OGFOD3: variants seen among roughly 807,000 people sequenced by gnomAD.
OGFOD3 encodes 2-oxoglutarate and iron-dependent oxygenase domain-containing protein 3.
A neutral mutation model predicts 39.8 loss-of-function variants in OGFOD3; 35 were observed. The observed-to-expected ratio is 0.88, with a 90% CI of 0.67 to 1.17. The LOEUF (loss-of-function observed/expected upper bound fraction) is 1.17, where lower values mean the gene tolerates loss of function less well. Ranked by LOEUF, OGFOD3 falls within the 50% of genes most tolerant of loss-of-function variation. The pLI, the probability that OGFOD3 is intolerant of heterozygous loss-of-function variation, is 0.00. For synonymous variants in OGFOD3, 200 were observed against 192.0 expected, an observed-to-expected ratio of 1.04 and a Z score of -0.34; for missense variants, 438 against 454.5, an observed-to-expected ratio of 0.96 and a Z score of 0.33.
chr17:82,416,787 C>A (rs1469842950), intron 1 of OGFOD3, among the ~76,000 whole-genome samples: 1 of 152,122 alleles, frequency 6.6e-6, no homozygotes, highest in Non-Finnish European at 1.5e-5. Flanking sequence ...TCTCCTGCCC[C>A]AGCCTCCTAA....
At chr17:82,397,072 C>T (rs2052684204) in intron 8 of OGFOD3, among the ~76,000 whole-genome samples, 1 of 152,162 alleles carries the variant, frequency 6.6e-6, no homozygotes, top group Admixed American at 6.5e-5. Flanking sequence ...CTCAGGCCAC[C>T]TGCCACAGGT....
At chr17:82,394,495 C>T (rs768335274) in intron 8 of OGFOD3, 1 of 1,613,810 alleles carries the variant, frequency 6.2e-7, no homozygotes, top group Non-Finnish European at 8.5e-7. Context: ...GGCTCTCGGT[C>T]CATTAACTTC....
At chr17:82,407,331 C>T (rs1291739600) in intron 4 of OGFOD3, among the ~76,000 whole-genome samples, 6 of 152,100 alleles carry the variant, frequency 3.9e-5, no homozygotes, top group African/African-American at 1.2e-4. Flanking sequence ...AATGGTGGCA[C>T]GTGTGGGCTA....
chr17:82,397,527 G>A (rs1243824781), intron 8 of OGFOD3, among the ~76,000 whole-genome samples: 2 of 152,090 alleles, frequency 1.3e-5, no homozygotes, highest in African/African-American at 4.8e-5. Context: ...TCAGGGCCGT[G>A]GGCTCCACCT....
In OGFOD3 at chr17:82,398,366, C is replaced by T. The variant is rs117843755; in HGVS notation, c.700-47G>A. The T allele has an allele frequency of 1.6e-3, 2,574 of 1,609,514 alleles. 43 individuals carry two copies. The East Asian group carries it at 0.043, about 27-fold the overall frequency. On this transcript the variant is annotated intron_variant, in intron 7 of 8. Transcript: ENST00000313056. ...GGGGGCAGAATGGGCTCTCAGCATG[C>T]GACCAGGGCAGGTGCTGCTTCTCTC...
chr17:82,409,092 C>G (rs561031947), intron 4 of OGFOD3, among the ~76,000 whole-genome samples: 92 of 152,358 alleles, frequency 6.0e-4, no homozygotes, highest in African/African-American at 2.1e-3. Flanking sequence ...CCGACCCCCT[C>G]TATCCCCCAG....
chr17:82,395,764 T>G (rs538555108), intron 8 of OGFOD3, among the ~76,000 whole-genome samples: 2 of 152,056 alleles, frequency 1.3e-5, no homozygotes, highest in African/African-American at 4.8e-5. Context: ...GAGCTTGCAG[T>G]GAGCCGAGAT....
At chr17:82,400,470 A>C (rs548357094) in intron 7 of OGFOD3, among the ~76,000 whole-genome samples, 2 of 152,350 alleles carry the variant, frequency 1.3e-5, no homozygotes, top group African/African-American at 4.8e-5. Context: ...ATGTTATGCA[A>C]TGGGAAGAAG....
intron 3 of OGFOD3, among the ~76,000 whole-genome samples, 171 bp from the exon 4 acceptor site, chr17:82,409,581 G>A (rs185665735): frequency 1.3e-4 from 20 of 152,338 alleles, no homozygotes; most frequent in African/African-American, 4.1e-4. Context: ...AGTTCAGTGC[G>A]TAAGCGACAA....
At chr17:82,394,662 C>G (rs915430545) in intron 8 of OGFOD3, 2 of 713,772 alleles carry the variant, frequency 2.8e-6, no homozygotes, top group Non-Finnish European at 4.5e-6. Context: ...GGGGGGACCT[C>G]TGAGCCCTCA....
rs2052613190 is a variant in OGFOD3 at position 82,392,652 on chromosome 17, G to C, written c.824-118C>G. On this transcript the variant is annotated intron_variant, in intron 8 of 8. Coordinates refer to ENST00000313056, the MANE Select transcript of OGFOD3 (RefSeq NM_024648.3). The surrounding 1 kb of genome is among the most constrained non-coding windows in gnomAD (Gnocchi z 4.2). The stretch of plus-strand genomic sequence containing the variant: ...ACCAATCAACACAACCAACCAGGCA[G>C]GCTGGAGAAATTGCCCCTCTGGGAA... 5 of 1,251,906 alleles carry C rather than the reference G, an allele frequency of 4.0e-6. No homozygotes were observed. The highest frequency in any genetic ancestry group is 5.4e-6 in the Non-Finnish European group (5 of 917,532). 77.5% of individuals were successfully genotyped at this position (1,251,906 alleles called of 1,614,324 possible).
chr17:82,415,662 C>T lies in OGFOD3; in HGVS notation c.75-35G>A, dbSNP rs547148096. ...GAAAACAGGCCACGTCACCCAAACA[C>T]GGAGTGAGGCCAGAGAAAACGCTCC... On this transcript the variant is annotated intron_variant, in intron 1 of 8. Coordinates refer to ENST00000313056, the MANE Select transcript of OGFOD3 (RefSeq NM_024648.3). The surrounding 1 kb of genome is among the most constrained non-coding windows in gnomAD (Gnocchi z 5.3). The T allele has an allele frequency of 4.4e-5, 68 of 1,556,540 alleles. No individual in the cohort carries two copies. The highest frequency in any genetic ancestry group is 2.9e-4 in the South Asian group (25 of 87,286).
intron 7 of OGFOD3, among the ~76,000 whole-genome samples, chr17:82,398,973 C>T (rs539238534): frequency 9.6e-6 from 1 of 104,602 alleles, no homozygotes; most frequent in South Asian, 3.7e-4. Context: ...CTGTGCCTGG[C>T]TGATTTTTGT....
chr17:82,395,525 T>C (rs1012451694), intron 8 of OGFOD3, among the ~76,000 whole-genome samples: 5 of 152,172 alleles, frequency 3.3e-5, no homozygotes, highest in African/African-American at 1.2e-4. Context: ...CCACTCATGG[T>C]AAGAACTGCG....
At position 82,404,023 on chromosome 17, in the gene OGFOD3, G is replaced by C. The variant is rs781298413; in HGVS notation, c.613C>G (p.Leu205Val). 1 of 1,610,966 alleles carries C rather than the reference G, an allele frequency of 6.2e-7. No individual in the cohort carries two copies. Among genetic ancestry groups the C allele is most frequent in the African/African-American group, 1.3e-5 (1 of 74,926 alleles). Reference sequence around the variant, plus strand: ...CGGGAGAAGAAGGTGGGCTTGGTCAGATGCAGCGAGGATGCGCTGATGCCA... The same window carrying C: ...CGGGAGAAGAAGGTGGGCTTGGTCACATGCAGCGAGGATGCGCTGATGCCA... ...AFGISASSLH[L>V]TKPTFFSRIN... The change falls in exon 7 of 9, where the codon CTG becomes GTG. Residue 205 changes from leucine to valine, a missense_variant. By Grantham distance (32) the Leu-to-Val change is conservative. Transcript: ENST00000313056. The surrounding 1 kb of genome is among the most constrained non-coding windows in gnomAD (Gnocchi z 4.5).
intron 7 of OGFOD3, among the ~76,000 whole-genome samples, chr17:82,402,983 C>G (rs1251589063): frequency 6.6e-6 from 1 of 152,134 alleles, no homozygotes; most frequent in African/African-American, 2.4e-5. Flanking sequence ...TGGCTTGAGC[C>G]TGGGAGGTCA....
At chr17:82,409,810 G>C (rs575897288) in intron 3 of OGFOD3, among the ~76,000 whole-genome samples, 203 of 152,078 alleles carry the variant, frequency 1.3e-3, no homozygotes, top group Non-Finnish European at 1.0e-3. Flanking sequence ...CAGGAGAATC[G>C]CTTGAACCCA....
At chr17:82,414,699 T>C (rs1332749784) in intron 2 of OGFOD3, among the ~76,000 whole-genome samples, 2 of 152,224 alleles carry the variant, frequency 1.3e-5, no homozygotes, top group Non-Finnish European at 2.9e-5. Context: ...AACTTGGCAA[T>C]CTTTTCTTGG....
chr17:82,418,420 G>C lies in OGFOD3; in HGVS notation c.66C>G (p.Asn22Lys). The C allele has an allele frequency of 6.8e-7, 1 of 1,479,318 alleles. No individual in the cohort carries two copies. The highest frequency in any genetic ancestry group is 3.0e-5 in the East Asian group (1 of 33,752). 91.6% of individuals were successfully genotyped at this position (1,479,318 alleles called of 1,614,324 possible). Residue 22 changes from asparagine to lysine, a missense_variant, in exon 1 of 9, where the codon AAC becomes AAG. Physicochemically the swap from Asn to Lys is moderately conservative, Grantham distance 94. Coordinates refer to ENST00000313056, the MANE Select transcript of OGFOD3 (RefSeq NM_024648.3). ...CCCCTCCTCACCGCTACCTGCTCCG[G>C]TTCCGGCGCTCGGCCGCTCCGTTGC... ...PEGNGAAERR[N>K]RSSTKKDRAP...
Sources: allele counts gnomAD v4.1 joint callset (sites outside exome capture counted in the v4.1 genomes callset), GRCh38; gene constraint gnomAD v4.1.1; non-coding constraint Gnocchi (gnomAD v3.1); transcripts MANE v1.5; gene names NCBI Gene and HGNC (gene_info 2026-07-23, HGNC 2026-07-21).